The following DLGAP2 variants were observed in gnomAD, a reference collection of about 807,000 sequenced individuals.
DLGAP2 encodes the protein DLG associated protein 2.
In DLGAP2, 26 loss-of-function variants were observed where a neutral mutation model predicts 100.3. That is an observed-to-expected ratio of 0.26 (90% CI 0.19 to 0.36). The LOEUF (loss-of-function observed/expected upper bound fraction) is 0.36, where lower values mean the gene tolerates loss of function less well. Among genes scored for constraint, DLGAP2 ranks in the 10% least tolerant of loss-of-function variants. The pLI is 1.00. For missense variants in DLGAP2, 1,858 were observed against 1,453.2 expected (o/e 1.28, Z -4.53); for synonymous variants, 886 against 630.1 (o/e 1.41, Z -6.08).
chr8:1,226,370 A>G (rs541204161), intron 2 of DLGAP2, among the ~76,000 whole-genome samples: 3 of 152,204 alleles, frequency 2.0e-5, no homozygotes, highest in Admixed American at 2.0e-4. Context: ...TAACACAGGA[A>G]AAGAAAACAA....
At chr8:1,339,546 C>T (rs943464570) in intron 3 of DLGAP2, among the ~76,000 whole-genome samples, 1 of 152,246 alleles carries the variant, frequency 6.6e-6, no homozygotes. Flanking sequence ...GCTTCCGTGT[C>T]ACGTAAGTAG....
At chr8:1,255,122 C>CA (rs1554426591) in intron 2 of DLGAP2, among the ~76,000 whole-genome samples, 12 of 128,636 alleles carry the variant, frequency 9.3e-5, no homozygotes, top group South Asian at 2.5e-4. Flanking sequence ...TGTGTGTCCT[C>CA]TCCTGCCCGG....
At chr8:1,328,967 A>C (rs1801086268) in intron 3 of DLGAP2, among the ~76,000 whole-genome samples, 1 of 152,242 alleles carries the variant, frequency 6.6e-6, no homozygotes, top group South Asian at 2.1e-4. Context: ...CTGTGTTATG[A>C]ATTATGCGTG....
chr8:1,355,505 C>T (rs1007459697), intron 3 of DLGAP2, among the ~76,000 whole-genome samples: 50 of 151,920 alleles, frequency 3.3e-4, no homozygotes, highest in Admixed American at 3.1e-3. Flanking sequence ...GCTGGGATTA[C>T]AGGTGTGTGC....
chr8:866,264 C>T (rs1301548909), intron 1 of DLGAP2, among the ~76,000 whole-genome samples: 2 of 152,172 alleles, frequency 1.3e-5, no homozygotes, highest in Non-Finnish European at 2.9e-5. Flanking sequence ...CGGTATCTCT[C>T]ATGGACTCTC....
intron 3 of DLGAP2, among the ~76,000 whole-genome samples, chr8:1,440,793 C>T (rs1434609396): frequency 1.3e-5 from 2 of 152,282 alleles, no homozygotes; most frequent in East Asian, 1.9e-4. Context: ...CTGGGCACTG[C>T]CCAGCTTATG....
intron 3 of DLGAP2, among the ~76,000 whole-genome samples, chr8:1,375,099 G>T (rs62484163): frequency 0.29 from 34,825 of 118,296 alleles, 5,023 homozygotes; most frequent in East Asian, 0.43. Flanking sequence ...TCAGAACTGA[G>T]CCCCCACCTC....
intron 2 of DLGAP2, among the ~76,000 whole-genome samples, chr8:1,161,641 G>T (rs373159532): frequency 6.6e-6 from 1 of 152,206 alleles, no homozygotes; most frequent in Non-Finnish European, 1.5e-5. Flanking sequence ...ATGGTGGTGG[G>T]GTTTGAACGC....
chr8:1,267,620 AGATAAATATTAAATAGGTCTAC>A (rs1799491102), intron 3 of DLGAP2, among the ~76,000 whole-genome samples: 2 of 122,608 alleles, frequency 1.6e-5, no homozygotes, highest in African/African-American at 7.4e-5. Flanking sequence ...AGATAAGATA[AGATAAATATTAAATAGGTCTAC>A]AAAAAGGCCT....
chr8:1,675,058 A>G (rs548261903), intron 10 of DLGAP2, among the ~76,000 whole-genome samples: 39 of 152,360 alleles, frequency 2.6e-4, no homozygotes, highest in African/African-American at 8.9e-4. Flanking sequence ...TTCCTCCTGT[A>G]GCCCGTCTCA....
At chr8:800,473 C>A (rs1309381330) in intron 1 of DLGAP2, among the ~76,000 whole-genome samples, 1 of 152,196 alleles carries the variant, frequency 6.6e-6, no homozygotes, top group Non-Finnish European at 1.5e-5. Flanking sequence ...GGAGCAGCCT[C>A]CATCTGCCAG....
At chr8:1,290,419 C>G (rs1800033450) in intron 3 of DLGAP2, among the ~76,000 whole-genome samples, 1 of 152,232 alleles carries the variant, frequency 6.6e-6, no homozygotes, top group African/African-American at 2.4e-5. Flanking sequence ...CACACCTGCA[C>G]TCCTGCCATT....
intron 3 of DLGAP2, among the ~76,000 whole-genome samples, chr8:1,433,120 G>A (rs966830806): frequency 1.3e-5 from 2 of 152,168 alleles, no homozygotes; most frequent in Non-Finnish European, 2.9e-5. Context: ...TGTGTGGGTG[G>A]GAGTCAGCAG....
intron 2 of DLGAP2, among the ~76,000 whole-genome samples, chr8:1,135,755 G>T (rs1796397244): frequency 6.6e-6 from 1 of 152,118 alleles, no homozygotes; most frequent in Non-Finnish European, 1.5e-5. Flanking sequence ...GCAGAGGATG[G>T]CCACTTTTGT....
chr8:1,290,695 A>AT (rs958782227), intron 3 of DLGAP2, among the ~76,000 whole-genome samples: 2 of 152,114 alleles, frequency 1.3e-5, no homozygotes, highest in Non-Finnish European at 2.9e-5. Context: ...TTTCTGGGAG[A>AT]TTTTTTAGAC....
intron 2 of DLGAP2, among the ~76,000 whole-genome samples, chr8:928,813 G>T (rs963834922): frequency 6.6e-6 from 1 of 151,958 alleles, no homozygotes; most frequent in African/African-American, 2.4e-5. Context: ...TTTCTGTTGC[G>T]AAGCCTGATT....
intron 1 of DLGAP2, among the ~76,000 whole-genome samples, chr8:892,573 T>C (rs1462378078): frequency 6.6e-6 from 1 of 151,956 alleles, no homozygotes. Context: ...CACAGCTAGA[T>C]GGAGAAAGCA....
At chr8:1,507,608 G>A (rs1371934427) in intron 4 of DLGAP2, among the ~76,000 whole-genome samples, 8 of 152,306 alleles carry the variant, frequency 5.3e-5, no homozygotes, top group African/African-American at 9.6e-5. Flanking sequence ...CGGAGTGGGC[G>A]CCGAGGCGGA....
At chr8:1,237,503 A>C (rs1236093303) in intron 2 of DLGAP2, among the ~76,000 whole-genome samples, 2 of 122,778 alleles carry the variant, frequency 1.6e-5, no homozygotes. Context: ...ACATAGCGTC[A>C]TGTCTAGTTG....
Sources: allele counts gnomAD v4.1 joint callset (sites outside exome capture counted in the v4.1 genomes callset), GRCh38; gene constraint gnomAD v4.1.1; transcripts MANE v1.5; gene names NCBI Gene and HGNC (gene_info 2026-07-23, HGNC 2026-07-21).